Variants in ADGRL1 observed in about 807,000 individuals in gnomAD.
ADGRL1 encodes CIRL-1.
ADGRL1 carries 31 observed loss-of-function variants against 148.9 expected under a neutral mutation model. The observed-to-expected ratio is 0.21, with a 90% CI of 0.16 to 0.28. The LOEUF (loss-of-function observed/expected upper bound fraction) is 0.28. ADGRL1 is among the 10% of genes least tolerant of loss of function. ADGRL1 has a pLI of 1.00. For synonymous variants in ADGRL1, 937 were observed against 900.3 expected, an observed-to-expected ratio of 1.04 and a Z score of -0.73; for missense variants, 1,521 against 2,058.8, an observed-to-expected ratio of 0.74 and a Z score of 5.05.
intron 22 of ADGRL1, among the ~76,000 whole-genome samples, 176 bp from the exon 23 acceptor site, chr19:14,151,791 GACAC>G (rs1968226063): frequency 6.6e-6 from 1 of 152,156 alleles, no homozygotes; most frequent in Non-Finnish European, 1.5e-5. Flanking sequence ...ACTGGCACTA[GACAC>G]ACCAGCCCAG....
intron 1 of ADGRL1, among the ~76,000 whole-genome samples, chr19:14,184,634 A>ATTTTTTTTT (rs1166987303): frequency 1.7e-5 from 2 of 119,050 alleles, no homozygotes; most frequent in African/African-American, 8.3e-5. Flanking sequence ...TTATTTATTT[A>ATTTTTTTTT]TTTATTTATT....
At chr19:14,156,222 A>C in intron 16 of ADGRL1, 21 bp from the exon 17 acceptor site, 1 of 1,591,562 alleles carries the variant, frequency 6.3e-7, no homozygotes, top group Non-Finnish European at 8.6e-7. Context: ...GACAAGGGGC[A>C]GGCTGGGCTG....
rs1331478826 is a variant in ADGRL1, at chr19:14,161,373, G to C, written c.1449C>G (p.Val483=). ...LFCEPREVRR[V]QWPATQQGML... Reference sequence around the variant, plus strand: ...TGCCCTGCTGGGTGGCCGGCCACTGGACCCGCCGTACCTCTCGGGGCTCGC... The same window carrying C: ...TGCCCTGCTGGGTGGCCGGCCACTGCACCCGCCGTACCTCTCGGGGCTCGC... The change falls in exon 6 of 23, where the codon GTC becomes GTG. Residue 483 remains valine, a synonymous_variant. Coordinates refer to ENST00000361434, the MANE Select transcript of ADGRL1 (RefSeq NM_014921.5). This position sits in a 1 kb window ranked among gnomAD's most constrained non-coding sequence, Gnocchi z 4.4. 2 of 1,548,832 alleles carry C rather than the reference G, an allele frequency of 1.3e-6. No homozygotes were observed. Among genetic ancestry groups the C allele is most frequent in the African/African-American group, 1.4e-5 (1 of 73,086 alleles).
chr19:14,152,972 C>T lies in ADGRL1; in HGVS notation c.3295-60G>A. The T allele has an allele frequency of 6.3e-7, 1 of 1,589,384 alleles. No individual in the cohort carries two copies. Among genetic ancestry groups the T allele is most frequent in the Non-Finnish European group, 8.6e-7 (1 of 1,166,476 alleles). On this transcript the variant is annotated intron_variant, in intron 18 of 22. Coordinates refer to ENST00000361434, the MANE Select transcript of ADGRL1 (RefSeq NM_014921.5). This position sits in a 1 kb window ranked among gnomAD's most constrained non-coding sequence, Gnocchi z 6.1. ...CTGGCCTCCTCTGTGATCCAGTCTC[C>T]CACAGGGCTGGTCACAAGACAGGCA...
chr19:14,170,576 C>G, intron 4 of ADGRL1, 106 bp downstream of exon 4: 1 of 676,854 alleles, frequency 1.5e-6, no homozygotes, highest in Non-Finnish European at 2.7e-6. Flanking sequence ...CCCCACTGTG[C>G]CCAGGCCCCA....
intron 3 of ADGRL1, among the ~76,000 whole-genome samples, chr19:14,174,888 C>A (rs1365464308): frequency 6.9e-6 from 1 of 144,436 alleles, no homozygotes; most frequent in African/African-American, 2.6e-5. Flanking sequence ...GTCACCCAGG[C>A]TGGAGTGCAG....
chr19:14,187,645 TG>T (rs2145070917), intron 1 of ADGRL1, among the ~76,000 whole-genome samples: 1 of 143,228 alleles, frequency 7.0e-6, no homozygotes, highest in African/African-American at 2.5e-5. Context: ...CACTTTCAGA[TG>T]ATTTTACAGC....
At chr19:14,165,201 A>G (rs1190685171) in intron 4 of ADGRL1, among the ~76,000 whole-genome samples, 4 of 152,134 alleles carry the variant, frequency 2.6e-5, no homozygotes, top group African/African-American at 9.7e-5. Context: ...GTTTTTGTAG[A>G]GGGAGAGGAG....
intron 3 of ADGRL1, among the ~76,000 whole-genome samples, chr19:14,176,606 G>C (rs1970844633): frequency 6.6e-6 from 1 of 152,122 alleles, no homozygotes; most frequent in Non-Finnish European, 1.5e-5. Flanking sequence ...AGAGGCCGAG[G>C]CAGGAGGATT....
Position 14,184,370 on chromosome 19 carries a change from C to A in ADGRL1, c.-95-673G>T, listed in dbSNP as rs529570895. Among the ~76,000 whole-genome samples the A allele has an allele frequency of 5.4e-3, 818 of 151,662 alleles. 5 individuals are homozygous for A. Among genetic ancestry groups the A allele is most frequent in the Non-Finnish European group, 9.3e-3 (632 of 67,876 alleles). The stretch of plus-strand genomic sequence containing the variant: ...AGGGGTGAGAATTGTGTGCTGTCCC[C>A]TGCCATCCTCCCCACCTGCTCTGTC... On this transcript the variant is annotated intron_variant, in intron 1 of 22. Transcript: ENST00000361434.
At chr19:14,193,513 G>A (rs1972079138) in intron 1 of ADGRL1, among the ~76,000 whole-genome samples, 1 of 152,144 alleles carries the variant, frequency 6.6e-6, no homozygotes. Context: ...CTTGAGCCCA[G>A]GAGGTTGAGG....
intron 2 of ADGRL1, 136 bp from the exon 3 acceptor site, chr19:14,177,880 CT>C: frequency 1.4e-6 from 1 of 707,342 alleles, no homozygotes; most frequent in Non-Finnish European, 2.3e-6. Flanking sequence ...GTTGATTCAG[CT>C]GTAGAATGGG....
At chr19:14,185,090 C>T (rs186983368) in intron 1 of ADGRL1, among the ~76,000 whole-genome samples, 14 of 151,846 alleles carry the variant, frequency 9.2e-5, no homozygotes, top group African/African-American at 1.9e-4. Flanking sequence ...GTCCAGGACT[C>T]GGTTCTAACT....
In ADGRL1 at chr19:14,161,555, G is replaced by T; in HGVS notation, c.1267C>A (p.Pro423Thr). Reference protein sequence around the residue: ...RPTPLTSTASPAATTPLRRAP... With the variant: ...RPTPLTSTASTAATTPLRRAP... ...CGGCGGAGCGGGGTGGTGGCTGCGGGCGAGGCTGTGCTGGTGAGGGGCGTG... is the reference window on the plus strand; with the variant it reads ...CGGCGGAGCGGGGTGGTGGCTGCGGTCGAGGCTGTGCTGGTGAGGGGCGTG... Residue 423 changes from proline (P) to threonine (T), a missense_variant, in exon 6 of 23, where the codon CCC becomes ACC. Coordinates refer to ENST00000361434, the MANE Select transcript of ADGRL1 (RefSeq NM_014921.5). This position sits in a 1 kb window ranked among gnomAD's most constrained non-coding sequence, Gnocchi z 4.4. 1 of 1,456,042 alleles carries T rather than the reference G, an allele frequency of 6.9e-7. No individual in the cohort carries two copies. The highest frequency in any genetic ancestry group is 9.0e-7 in the Non-Finnish European group (1 of 1,106,064). 90.2% of individuals were successfully genotyped at this position (1,456,042 alleles called of 1,614,324 possible).
At chr19:14,203,004 C>T (rs1030210412) in intron 1 of ADGRL1, among the ~76,000 whole-genome samples, 3 of 152,184 alleles carry the variant, frequency 2.0e-5, no homozygotes, top group African/African-American at 7.2e-5. Context: ...CCGGGACCCC[C>T]TCCATGTTTC....
intron 1 of ADGRL1, among the ~76,000 whole-genome samples, chr19:14,187,674 C>T (rs1298310332): frequency 6.6e-6 from 1 of 151,818 alleles, no homozygotes; most frequent in Non-Finnish European, 1.5e-5. Context: ...CCCGCCGCCG[C>T]CACCAGCCCC....
chr19:14,158,365 A>G lies in ADGRL1; in HGVS notation c.2337T>C (p.Pro779=), dbSNP rs1180283783. 6.2e-7 allele frequency: 1 copy of G among 1,613,750 alleles called. No individual in the cohort carries two copies. Among genetic ancestry groups the G allele is most frequent in the South Asian group, 1.1e-5 (1 of 91,086 alleles). The part of the protein sequence containing the change: ...KESSRVFLMD[P]VIFTVAHLED... ...CCAGGTGGGCCACGGTGAAGATGAC[A>G]GGGTCCATGAGGAAGACGCGGCTGG... is the stretch of plus-strand genomic sequence containing the variant. The change falls in exon 12 of 23, where the codon CCT becomes CCC. Residue 779 remains proline (P), a synonymous_variant. Coordinates refer to ENST00000361434, the MANE Select transcript of ADGRL1 (RefSeq NM_014921.5).
intron 1 of ADGRL1, among the ~76,000 whole-genome samples, chr19:14,187,926 G>C (rs780522778): frequency 2.0e-5 from 3 of 151,932 alleles, no homozygotes; most frequent in Non-Finnish European, 4.4e-5. Context: ...AGAGGAACTG[G>C]TTAGAGGGAG....
intron 2 of ADGRL1, among the ~76,000 whole-genome samples, chr19:14,182,370 C>T (rs775869057): frequency 8.5e-5 from 13 of 152,178 alleles, no homozygotes; most frequent in Non-Finnish European, 1.8e-4. Flanking sequence ...TGCTGGAGGG[C>T]AGCAGGGATT....
Sources: allele counts gnomAD v4.1 joint callset (sites outside exome capture counted in the v4.1 genomes callset), GRCh38; gene constraint gnomAD v4.1.1; non-coding constraint Gnocchi (gnomAD v3.1); transcripts MANE v1.5; gene names NCBI Gene and HGNC (gene_info 2026-07-23, HGNC 2026-07-21).